FGF14: variants seen among roughly 807,000 people sequenced by gnomAD.
The protein encoded by FGF14 is fibroblast growth factor homologous factor 4.
Under a neutral mutation model 25.5 loss-of-function variants are expected in FGF14, and 5 were observed. The observed-to-expected ratio is 0.20, with a 90% CI of 0.10 to 0.41. The LOEUF is 0.41. Among genes scored for constraint, FGF14 ranks in the 10% least tolerant of loss-of-function variants. The pLI, the probability that FGF14 is intolerant of heterozygous loss-of-function variation, is 1.00. For missense variants in FGF14, 222 were observed against 320.1 expected (o/e 0.69, Z 2.34); for synonymous variants, 138 against 118.3 (o/e 1.17, Z -1.08).
chr13:102,154,584 G>A (rs1269123782), intron 1 of FGF14, among the ~76,000 whole-genome samples: 4 of 152,096 alleles, frequency 2.6e-5, no homozygotes, highest in East Asian at 3.9e-4. Flanking sequence ...AAAGATCATC[G>A]AGGCTAGGAA....
chr13:101,942,340 C>G (rs563236927), intron 1 of FGF14, among the ~76,000 whole-genome samples: 1 of 152,022 alleles, frequency 6.6e-6, no homozygotes, highest in African/African-American at 2.4e-5. Flanking sequence ...AAGCCTGTAA[C>G]ATAGGCAACT....
At chr13:101,776,625 G>T (rs2039120810) in intron 3 of FGF14, among the ~76,000 whole-genome samples, 2 of 152,182 alleles carry the variant, frequency 1.3e-5, no homozygotes, top group East Asian at 1.9e-4. Context: ...AATCCCAGCT[G>T]CAGAACAAAA....
intron 1 of FGF14, among the ~76,000 whole-genome samples, chr13:102,260,419 C>G (rs1241512376): frequency 6.6e-6 from 1 of 152,226 alleles, no homozygotes; most frequent in Admixed American, 6.5e-5. Flanking sequence ...CCTCCAGGCA[C>G]TGGCGTGGCA....
chr13:102,165,776 G>A (rs557742957), intron 1 of FGF14, among the ~76,000 whole-genome samples: 3 of 150,570 alleles, frequency 2.0e-5, no homozygotes, highest in South Asian at 2.1e-4. Flanking sequence ...TAACCTACAC[G>A]TTGTGCACAT....
At chr13:101,758,721 T>G (rs185585132) in intron 3 of FGF14, among the ~76,000 whole-genome samples, 176 of 152,298 alleles carry the variant, frequency 1.2e-3, no homozygotes, top group African/African-American at 4.2e-3. Flanking sequence ...CATGAAAGGA[T>G]GTAACATCCT....
At chr13:102,053,699 A>G (rs898117998) in intron 1 of FGF14, among the ~76,000 whole-genome samples, 1 of 152,156 alleles carries the variant, frequency 6.6e-6, no homozygotes, top group Non-Finnish European at 1.5e-5. Context: ...TGGGGTAGAC[A>G]AAAATTACGT....
At chr13:101,945,150 C>G (rs2035721299) in intron 1 of FGF14, among the ~76,000 whole-genome samples, 1 of 152,076 alleles carries the variant, frequency 6.6e-6, no homozygotes, top group African/African-American at 2.4e-5. Flanking sequence ...GAAACCCCAT[C>G]TCTACTAAAA....
At chr13:102,364,500 A>G (rs919842889) in intron 1 of FGF14, among the ~76,000 whole-genome samples, 1 of 152,162 alleles carries the variant, frequency 6.6e-6, no homozygotes, top group African/African-American at 2.4e-5. Flanking sequence ...TTAGCTCTTC[A>G]CTATTTCATG....
intron 1 of FGF14, among the ~76,000 whole-genome samples, chr13:102,241,439 C>T (rs1048268546): frequency 6.6e-6 from 1 of 152,140 alleles, no homozygotes; most frequent in Non-Finnish European, 1.5e-5. Flanking sequence ...CACAACAGCC[C>T]TGTTCTTTCC....
At chr13:102,013,397 T>C (rs1392150200) in intron 1 of FGF14, among the ~76,000 whole-genome samples, 2 of 152,194 alleles carry the variant, frequency 1.3e-5, no homozygotes. Flanking sequence ...AATTACTGAT[T>C]GCATGTATTA....
chr13:102,189,029 A>AGAAT (rs1566797176), intron 1 of FGF14, among the ~76,000 whole-genome samples: 8 of 74,322 alleles, frequency 1.1e-4, no homozygotes, highest in Non-Finnish European at 2.1e-4. Context: ...AAAGAAGAAA[A>AGAAT]GAAAGAAAGA....
intron 1 of FGF14, among the ~76,000 whole-genome samples, chr13:101,893,830 G>C (rs1314291003): frequency 6.6e-6 from 1 of 152,012 alleles, no homozygotes; most frequent in Non-Finnish European, 1.5e-5. Flanking sequence ...ATCAGTTTAT[G>C]TTCTTTCAAG....
intron 1 of FGF14, among the ~76,000 whole-genome samples, chr13:101,960,591 A>C (rs1423010416): frequency 6.6e-6 from 1 of 152,152 alleles, no homozygotes; most frequent in African/African-American, 2.4e-5. Context: ...CTAGTCCATC[A>C]CTGATGGGCA....
chr13:102,249,220 C>T (rs1192646092), intron 1 of FGF14, among the ~76,000 whole-genome samples: 1 of 152,010 alleles, frequency 6.6e-6, no homozygotes, highest in African/African-American at 2.4e-5. Context: ...GGAGTTTATC[C>T]CTGTTACTCC....
intron 1 of FGF14, among the ~76,000 whole-genome samples, chr13:102,021,440 C>A (rs1371069113): frequency 6.6e-6 from 1 of 151,522 alleles, no homozygotes. Flanking sequence ...GGAGAAAGAG[C>A]CCTTTGGGAG....
chr13:102,018,648 C>T (rs2040473488), intron 1 of FGF14, among the ~76,000 whole-genome samples: 1 of 151,764 alleles, frequency 6.6e-6, no homozygotes, highest in Non-Finnish European at 1.5e-5. Context: ...CTCCTCCAGC[C>T]CTGAGGCCTC....
In FGF14 at chr13:102,116,935, C is replaced by T. The variant is rs529505841; in HGVS notation, c.209-241639G>A. ...CAGCACCAACACTGAATGATCAGCCCACTTGGGGTCATGGCCTTCGCTGCA... is the reference window on the plus strand; with the variant it reads ...CAGCACCAACACTGAATGATCAGCCTACTTGGGGTCATGGCCTTCGCTGCA... On this transcript the variant is annotated intron_variant, in intron 1 of 4. Coordinates refer to the FGF14 transcript ENST00000376131. 6.6e-5 allele frequency among the ~76,000 whole-genome samples: 10 copies of T among 152,298 alleles called. No individual in the cohort carries two copies. In the East Asian group the frequency reaches 7.7e-4, roughly 12 times the overall value.
chr13:101,769,613 A>G (rs9557734), intron 3 of FGF14, among the ~76,000 whole-genome samples: 64,502 of 152,114 alleles, frequency 0.42, 14,921 homozygotes, highest in Middle Eastern at 0.52. Context: ...GCAATGAAGT[A>G]TTATTCATCT....
At chr13:102,207,965 T>A (rs1054227923) in intron 1 of FGF14, among the ~76,000 whole-genome samples, 3 of 152,200 alleles carry the variant, frequency 2.0e-5, no homozygotes, top group Admixed American at 2.0e-4. Context: ...GGATTGTGCC[T>A]TTGATTTACA....
Sources: allele counts gnomAD v4.1 joint callset (sites outside exome capture counted in the v4.1 genomes callset), GRCh38; gene constraint gnomAD v4.1.1; transcripts MANE v1.5; gene names NCBI Gene and HGNC (gene_info 2026-07-23, HGNC 2026-07-21).